LAMA2: variants seen among roughly 807,000 people sequenced by gnomAD.
LAMA2 encodes the protein laminin subunit alpha-2.
In LAMA2, 269 loss-of-function variants were observed where a neutral mutation model predicts 364.8. That is an observed-to-expected ratio of 0.74 (90% CI 0.67 to 0.82). The LOEUF is 0.82. Among genes scored for constraint, LAMA2 ranks in the 40% least tolerant of loss-of-function variants. LAMA2 has a pLI of 0.00. For synonymous variants in LAMA2, 1,379 were observed against 1,370.6 expected (o/e 1.01, Z -0.14); for missense variants, 3,807 against 3,873.2 (o/e 0.98, Z 0.45).
chr6:129,390,371 C>A (rs1779254443), intron 35 of LAMA2, among the ~76,000 whole-genome samples: 1 of 151,898 alleles, frequency 6.6e-6, no homozygotes, highest in Admixed American at 6.6e-5. Context: ...CTCACATACC[C>A]CTCTGCCTGC....
rs200953311 is a variant in LAMA2 at position 129,297,832 on chromosome 6, G to A, written c.3004G>A (p.Gly1002Ser). The A allele has an allele frequency of 1.1e-4, 170 of 1,613,704 alleles. No individual in the cohort carries two copies. The highest frequency in any genetic ancestry group is 1.1e-4 in the African/African-American group (8 of 74,864). The change falls in exon 21 of 65, where the codon GGC becomes AGC. Residue 1002 changes from glycine (G) to serine (S), a missense_variant. This residue lies in a region of LAMA2 where 3,333 missense variants were observed against 3,345.7 expected (regional missense o/e 1.00). Coordinates refer to ENST00000421865, the MANE Select transcript of LAMA2 (RefSeq NM_000426.4). ...TGKKCDRCAH[G>S]YFNFQEGGCT... is the part of the protein sequence containing the mutation. ...GAAGAAATGTGACCGCTGTGCCCACGGCTATTTCAACTTCCAAGAAGGAGG... is the reference window on the plus strand; with the variant it reads ...GAAGAAATGTGACCGCTGTGCCCACAGCTATTTCAACTTCCAAGAAGGAGG...
At chr6:128,979,557 T>C (rs949776226) in intron 1 of LAMA2, among the ~76,000 whole-genome samples, 31 of 152,174 alleles carry the variant, frequency 2.0e-4, no homozygotes, top group Admixed American at 1.9e-3. Context: ...AAGAAAATGT[T>C]CAAAAGGGAT....
chr6:128,963,790 C>A (rs190656144), intron 1 of LAMA2, among the ~76,000 whole-genome samples: 1 of 151,998 alleles, frequency 6.6e-6, no homozygotes, highest in Non-Finnish European at 1.5e-5. Flanking sequence ...GGAAGCCATG[C>A]CTTTTAGCTG....
chr6:129,494,853 G>A (rs537753063), intron 58 of LAMA2, among the ~76,000 whole-genome samples: 14 of 152,126 alleles, frequency 9.2e-5, no homozygotes, highest in Non-Finnish European at 1.6e-4. Flanking sequence ...TGAAAATCAT[G>A]TGTTTCTCAG....
chr6:129,243,146 A>G (rs1199393247), intron 12 of LAMA2, among the ~76,000 whole-genome samples: 1 of 152,112 alleles, frequency 6.6e-6, no homozygotes, highest in Non-Finnish European at 1.5e-5. Flanking sequence ...ATTGCAGCCA[A>G]AAGCATTCTT....
intron 1 of LAMA2, among the ~76,000 whole-genome samples, chr6:128,917,723 TTTCTTTCTTTC>T (rs1186957817): frequency 7.6e-6 from 1 of 131,888 alleles, no homozygotes; most frequent in Admixed American, 7.8e-5. Context: ...TCTTTCTTTC[TTTCTTTCTTTC>T]TTTTTTTTTT....
intron 12 of LAMA2, among the ~76,000 whole-genome samples, chr6:129,201,969 C>T (rs1268996608): frequency 1.3e-5 from 2 of 151,990 alleles, no homozygotes; most frequent in Non-Finnish European, 2.9e-5. Context: ...GCAGGTGGAT[C>T]ACGAGGTCAG....
intron 17 of LAMA2, among the ~76,000 whole-genome samples, chr6:129,272,602 G>A (rs944078132): frequency 3.9e-5 from 6 of 152,138 alleles, no homozygotes; most frequent in African/African-American, 1.4e-4. Context: ...AACACTAAAA[G>A]CAGTAATTAA....
chr6:129,369,846 G>C, intron 33 of LAMA2, 46 bp from the exon 34 acceptor site: 1 of 1,502,964 alleles, frequency 6.7e-7, no homozygotes, highest in Non-Finnish European at 9.3e-7. Context: ...CACTATCACT[G>C]CAAGGCCATT....
At chr6:129,062,112 G>A (rs1455464897) in intron 3 of LAMA2, among the ~76,000 whole-genome samples, 1 of 152,142 alleles carries the variant, frequency 6.6e-6, no homozygotes, top group Admixed American at 6.6e-5. Flanking sequence ...CTCAGGCTTT[G>A]GAATAACAAA....
At chr6:128,970,909 T>C (rs1203047858) in intron 1 of LAMA2, among the ~76,000 whole-genome samples, 1 of 152,224 alleles carries the variant, frequency 6.6e-6, no homozygotes, top group Non-Finnish European at 1.5e-5. Flanking sequence ...TTGACATTTC[T>C]CTTAAAGCGG....
chr6:128,992,871 G>A (rs1226166281), intron 1 of LAMA2, among the ~76,000 whole-genome samples: 1 of 152,108 alleles, frequency 6.6e-6, no homozygotes, highest in Non-Finnish European at 1.5e-5. Flanking sequence ...CTGATATGAA[G>A]AGAAAGCTAT....
intron 8 of LAMA2, among the ~76,000 whole-genome samples, chr6:129,159,876 T>G (rs1256409296): frequency 6.6e-6 from 1 of 152,136 alleles, no homozygotes; most frequent in Non-Finnish European, 1.5e-5. Flanking sequence ...ATTTTCTCCT[T>G]TATTCTGTTA....
rs566723851 is a variant in LAMA2, at chr6:129,316,078, G to C, written c.3965G>C (p.Arg1322Thr). The change falls in exon 27 of 65, where the codon AGA becomes ACA. Residue 1322 changes from arginine (R) to threonine (T), a missense_variant. Transcript: ENST00000421865. Reference sequence around the variant, plus strand: ...TATGGGGATGATCCTCGAGTCCATAGAACTGTGACCCGAGAAGACTTCTTG... The same window carrying C: ...TATGGGGATGATCCTCGAGTCCATACAACTGTGACCCGAGAAGACTTCTTG... ...KYYGDDPRVH[R>T]TVTREDFLDI... The C allele has an allele frequency of 6.2e-7, 1 of 1,612,556 alleles. No individual in the cohort carries two copies. Among genetic ancestry groups the C allele is most frequent in the Non-Finnish European group, 8.5e-7 (1 of 1,178,622 alleles).
intron 8 of LAMA2, chr6:129,157,927 T>G (rs1187257543): frequency 6.2e-7 from 1 of 1,614,176 alleles, no homozygotes; most frequent in South Asian, 1.1e-5. Flanking sequence ...ACCCTGGTAT[T>G]CAAGGGCACA....
At chr6:129,241,370 A>G (rs1785387267) in intron 12 of LAMA2, among the ~76,000 whole-genome samples, 1 of 152,216 alleles carries the variant, frequency 6.6e-6, no homozygotes, top group African/African-American at 2.4e-5. Flanking sequence ...GAAATAAACC[A>G]CTAGGTTTTT....
At chr6:129,322,048 G>A (rs888809952) in intron 28 of LAMA2, among the ~76,000 whole-genome samples, 2 of 152,160 alleles carry the variant, frequency 1.3e-5, no homozygotes, top group African/African-American at 4.8e-5. Flanking sequence ...ATGCCATTCA[G>A]CTTAGTTACC....
In LAMA2 at chr6:129,106,875, AAT is replaced by A. The variant is rs1554219037; in HGVS notation, c.639+8474_639+8475del. ...CCTTACTCCTCCAAAAAAAAAAAAA[AAT>A]ATATATATATATACAATGCCCAGAA... On this transcript the variant is annotated intron_variant, in intron 4 of 64. Coordinates refer to ENST00000421865, the MANE Select transcript of LAMA2 (RefSeq NM_000426.4). Among the ~76,000 whole-genome samples the A allele has an allele frequency of 1.4e-3, 199 of 142,632 alleles. 1 individual carries two copies. The highest frequency in any genetic ancestry group is 4.7e-3 in the African/African-American group (178 of 38,032). The allele number at this position is 142,632 out of a possible 152,430, so 93.6% of individuals were successfully genotyped here.
chr6:129,365,259 G>A (rs1016630219), intron 32 of LAMA2, among the ~76,000 whole-genome samples: 2 of 152,096 alleles, frequency 1.3e-5, no homozygotes, highest in African/African-American at 4.8e-5. Context: ...ATCATGGGTG[G>A]TAATAGACTG....
Sources: allele counts gnomAD v4.1 joint callset (sites outside exome capture counted in the v4.1 genomes callset), GRCh38; gene constraint gnomAD v4.1.1; regional missense constraint gnomAD v4.1.1; transcripts MANE v1.5; gene names NCBI Gene and HGNC (gene_info 2026-07-23, HGNC 2026-07-21).